ICA1: variants seen among roughly 807,000 people sequenced by gnomAD.
ICA1 encodes 69 kDa islet cell autoantigen.
Under a neutral mutation model 71.0 loss-of-function variants are expected in ICA1, and 40 were observed. The observed-to-expected ratio is 0.56, with a 90% CI of 0.44 to 0.73. The LOEUF (loss-of-function observed/expected upper bound fraction) is 0.73, where lower values mean the gene tolerates loss of function less well. Among genes scored for constraint, ICA1 ranks in the 30% least tolerant of loss-of-function variants. The pLI, the probability that ICA1 is intolerant of heterozygous loss-of-function variation, is 0.00. For missense variants in ICA1, 578 were observed against 576.5 expected (o/e 1.00, Z -0.03); for synonymous variants, 207 against 209.5 (o/e 0.99, Z 0.10).
At chr7:8,194,181 T>A (rs1002126625) in intron 6 of ICA1, among the ~76,000 whole-genome samples, 22 of 152,298 alleles carry the variant, frequency 1.4e-4, no homozygotes, top group African/African-American at 5.3e-4. Context: ...TCCTGTCTGT[T>A]ATACACAAAC....
chr7:8,167,312 T>C (rs1006687038), intron 6 of ICA1, among the ~76,000 whole-genome samples: 1 of 152,220 alleles, frequency 6.6e-6, no homozygotes, highest in African/African-American at 2.4e-5. Flanking sequence ...AATGAGATCA[T>C]GTCCTCTGCA....
intron 7 of ICA1, 70 bp downstream of exon 7, chr7:8,158,457 A>T (rs1047532547): frequency 1.3e-6 from 2 of 1,576,782 alleles, no homozygotes; most frequent in African/African-American, 2.7e-5. Flanking sequence ...CTTTTAGCTC[A>T]AACACCATTT....
At position 8,120,834 on chromosome 7, in the gene ICA1, G is replaced by A. The variant is rs151319669; in HGVS notation, c.1331-6790C>T. Among the ~76,000 whole-genome samples the A allele has an allele frequency of 3.5e-4, 54 of 152,338 alleles. No homozygotes were observed. In the East Asian group the frequency reaches 8.9e-3, roughly 25 times the overall value. On this transcript the variant is annotated intron_variant, in intron 13 of 13. Transcript: ENST00000402384. ...GCAGCAAGTGAAGCCAAAGGACACC[G>A]CCCAGAGCTGCGCTTTGCCATGGGT... is the stretch of plus-strand genomic sequence containing the variant.
intron 3 of ICA1, among the ~76,000 whole-genome samples, chr7:8,228,978 C>T (rs560211875): frequency 6.6e-6 from 1 of 152,000 alleles, no homozygotes; most frequent in East Asian, 1.9e-4. Flanking sequence ...AAGTGAAGGG[C>T]CTAGTTAGAG....
At chr7:8,210,564 C>T (rs1401786283) in intron 6 of ICA1, among the ~76,000 whole-genome samples, 1 of 151,994 alleles carries the variant, frequency 6.6e-6, no homozygotes, top group Non-Finnish European at 1.5e-5. Flanking sequence ...ATTTCCTAGC[C>T]TATCCATTTA....
In ICA1 at chr7:8,141,737, G is replaced by C. The variant is rs758709344; in HGVS notation, c.955+28C>G. The C allele has an allele frequency of 3.6e-6, 5 of 1,394,282 alleles. No homozygotes were observed. In the South Asian group the frequency reaches 4.9e-5, roughly 14 times the overall value. The allele number at this position is 1,394,282 out of a possible 1,614,324, so 86.4% of individuals were successfully genotyped here. A position where few individuals can be genotyped will look rare whatever the true frequency, so the allele number is the denominator to read the frequency against. On this transcript the variant is annotated intron_variant, in intron 10 of 13. Transcript: ENST00000402384. ...TTAAGCATTAAGTAATATTTCAGAA[G>C]CAATTCTAAATAAAAATCAAAACTT...
intron 1 of ICA1, among the ~76,000 whole-genome samples, chr7:8,243,438 T>C (rs989326170): frequency 2.0e-5 from 3 of 152,218 alleles, no homozygotes; most frequent in African/African-American, 7.2e-5. Context: ...GAGCTATTTA[T>C]GACAAACCCA....
intron 13 of ICA1, among the ~76,000 whole-genome samples, chr7:8,116,921 G>A (rs930912414): frequency 2.0e-5 from 3 of 152,278 alleles, no homozygotes; most frequent in African/African-American, 7.2e-5. Context: ...TTGTGATATG[G>A]TTAGGCTTTG....
At chr7:8,179,204 G>A (rs1056202122) in intron 6 of ICA1, among the ~76,000 whole-genome samples, 6 of 152,296 alleles carry the variant, frequency 3.9e-5, no homozygotes, top group Admixed American at 3.3e-4. Context: ...CAACCTGGAC[G>A]CCTGGCTGGG....
At chr7:8,133,977 A>T (rs1405336660) in intron 12 of ICA1, among the ~76,000 whole-genome samples, 4 of 151,978 alleles carry the variant, frequency 2.6e-5, no homozygotes. Flanking sequence ...AGTTACAGAC[A>T]ATCTTGCTAG....
intron 13 of ICA1, among the ~76,000 whole-genome samples, chr7:8,124,501 T>G (rs1183367925): frequency 6.6e-6 from 1 of 152,250 alleles, no homozygotes; most frequent in African/African-American, 2.4e-5. Flanking sequence ...TTCCTCTTTT[T>G]TGAGGGGATT....
chr7:8,228,583 T>G lies in ICA1; in HGVS notation c.256+18A>C. 6.8e-7 allele frequency: 1 copy of G among 1,481,144 alleles called. No homozygotes were observed. Among genetic ancestry groups the G allele is most frequent in the Non-Finnish European group, 9.3e-7 (1 of 1,073,918 alleles). The allele number at this position is 1,481,144 out of a possible 1,614,324, so 91.8% of individuals were successfully genotyped here. A position where few individuals can be genotyped will look rare whatever the true frequency, so the allele number is the denominator to read the frequency against. On this transcript the variant is annotated intron_variant, in intron 4 of 13. Coordinates refer to ENST00000402384, the MANE Select transcript of ICA1 (RefSeq NM_001136020.3). Reference sequence around the variant, plus strand: ...TTTCTTACTATTTGATCAATATTCATACTGATGTCATACTTACAACATATC... The same window carrying G: ...TTTCTTACTATTTGATCAATATTCAGACTGATGTCATACTTACAACATATC...
rs191484168 is a variant in ICA1, at chr7:8,130,160, C to A, written c.1061-2018G>T. ...TGCTGCTAGTGCCGCAATAAACATACGTGGGCATGTGTCTTTATAGCAGCA... is the reference window on the plus strand; with the variant it reads ...TGCTGCTAGTGCCGCAATAAACATAAGTGGGCATGTGTCTTTATAGCAGCA... On this transcript the variant is annotated intron_variant, in intron 12 of 13. Coordinates refer to ENST00000402384, the MANE Select transcript of ICA1 (RefSeq NM_001136020.3). The surrounding 1 kb of genome is among the most constrained non-coding windows in gnomAD (Gnocchi z 4.2). Among the ~76,000 whole-genome samples the A allele has an allele frequency of 6.6e-5, 10 of 152,154 alleles. No individual in the cohort carries two copies. Among genetic ancestry groups the A allele is most frequent in the African/African-American group, 1.9e-4 (8 of 41,430 alleles).
At chr7:8,169,064 A>G (rs6968453) in intron 6 of ICA1, among the ~76,000 whole-genome samples, 61,291 of 151,942 alleles carry the variant, frequency 0.4, 16,205 homozygotes, top group African/African-American at 0.76. Context: ...CTGTCACTAT[A>G]GATTATATTT....
chr7:8,184,555 C>A (rs115290470), intron 6 of ICA1, among the ~76,000 whole-genome samples: 2 of 152,172 alleles, frequency 1.3e-5, no homozygotes, highest in Non-Finnish European at 2.9e-5. Flanking sequence ...ATATAAATCA[C>A]AAGATAGCTT....
chr7:8,251,070 T>G (rs1181602441), intron 1 of ICA1, among the ~76,000 whole-genome samples: 4 of 152,098 alleles, frequency 2.6e-5, no homozygotes, highest in Non-Finnish European at 4.4e-5. Context: ...CCAGCTAATT[T>G]TTTTATTTTT....
chr7:8,128,890 T>G (rs997934201), intron 12 of ICA1, among the ~76,000 whole-genome samples: 2 of 152,204 alleles, frequency 1.3e-5, no homozygotes, highest in African/African-American at 4.8e-5. Flanking sequence ...GCTATGTGAC[T>G]TCGGTAAAAA....
At position 8,152,375 on chromosome 7, in the gene ICA1, T is replaced by C. The variant is rs117671853; in HGVS notation, c.804+4741A>G. ...GCATGGTTGTCTTCTGGATCTACTATAGAATTCATAGTAAGTACATCCCCA... is the reference window on the plus strand; with the variant it reads ...GCATGGTTGTCTTCTGGATCTACTACAGAATTCATAGTAAGTACATCCCCA... On this transcript the variant is annotated intron_variant, in intron 8 of 13. Transcript: ENST00000402384. 2.5e-3 allele frequency among the ~76,000 whole-genome samples: 386 copies of C among 152,088 alleles called. 3 individuals are homozygous for C. The highest frequency in any genetic ancestry group is 4.1e-3 in the Non-Finnish European group (277 of 67,950).
intron 8 of ICA1, among the ~76,000 whole-genome samples, chr7:8,151,231 G>C (rs1798686206): frequency 6.6e-6 from 1 of 152,212 alleles, no homozygotes; most frequent in Non-Finnish European, 1.5e-5. Flanking sequence ...TCAGGGAGGA[G>C]TTAGGGAATG....
Sources: gnomAD v4.1 joint callset for allele counts (sites outside exome capture counted in the v4.1 genomes callset) on GRCh38, gnomAD v4.1.1 for gene constraint, Gnocchi (gnomAD v3.1) non-coding constraint, MANE v1.5 for transcripts, NCBI Gene and HGNC (gene_info 2026-07-23, HGNC 2026-07-21) for gene names.